Variants in LCOR observed in about 807,000 individuals in gnomAD.
LCOR encodes ligand dependent nuclear receptor corepressor, also known as ligand-dependent corepressor.
LCOR carries 14 observed loss-of-function variants against 64.4 expected under a neutral mutation model. That is an observed-to-expected ratio of 0.22 (90% CI 0.14 to 0.34). The LOEUF (loss-of-function observed/expected upper bound fraction) is 0.34. LCOR is among the 10% of genes least tolerant of loss of function. LCOR has a pLI of 1.00. For missense variants in LCOR, 1,686 were observed against 1,765.3 expected (o/e 0.96, Z 0.80); for synonymous variants, 643 against 642.5 (o/e 1.00, Z -0.01).
chr10:96,985,021 C>G lies in LCOR; in HGVS notation c.4561C>G (p.Arg1521Gly). The change falls in exon 8 of 8, where the codon CGG (arginine) becomes GGG (glycine). Residue 1521 changes from arginine to glycine, a missense_variant. By Grantham distance (125) the Arg-to-Gly change is moderately radical. Coordinates refer to ENST00000421806, the MANE Select transcript of LCOR (RefSeq NM_001346516.2). The stretch of plus-strand genomic sequence containing the variant: ...TAGGAAGCAGAGTAGTGGAAAGACT[C>G]GGGCCAGACCCTCAACGAAAACCCC... ...TNRKQSSGKT[R>G]ARPSTKTPES... 3 of 1,614,170 alleles carry G rather than the reference C, an allele frequency of 1.9e-6. No individual in the cohort carries two copies. Among genetic ancestry groups the G allele is most frequent in the Non-Finnish European group, 2.5e-6 (3 of 1,180,034 alleles).
intron 4 of LCOR, among the ~76,000 whole-genome samples, chr10:96,922,674 G>T (rs937386256): frequency 6.6e-6 from 1 of 152,100 alleles, no homozygotes; most frequent in Non-Finnish European, 1.5e-5. Flanking sequence ...TTGTCTGTGG[G>T]GGTGGTTTGC....
chr10:96,970,319 G>A (rs1324282273), intron 7 of LCOR, among the ~76,000 whole-genome samples: 2 of 151,994 alleles, frequency 1.3e-5, no homozygotes, highest in African/African-American at 4.8e-5. Flanking sequence ...AATCGCTTGA[G>A]CCCGGGAGGC....
intron 2 of LCOR, among the ~76,000 whole-genome samples, chr10:96,847,065 A>C (rs1460157496): frequency 6.6e-6 from 1 of 152,090 alleles, no homozygotes; most frequent in African/African-American, 2.4e-5. Flanking sequence ...CTGCATGGTG[A>C]AACCCCGTCT....
chr10:96,907,383 C>A, intron 3 of LCOR, 53 bp downstream of exon 3: 1 of 610,286 alleles, frequency 1.6e-6, no homozygotes, highest in Non-Finnish European at 2.1e-6. Flanking sequence ...ATACATGATA[C>A]GTTGGTGTTT....
intron 3 of LCOR, 63 bp from the exon 4 acceptor site, chr10:96,907,605 A>T: frequency 3.1e-6 from 2 of 642,024 alleles, no homozygotes; most frequent in Non-Finnish European, 3.9e-6. Flanking sequence ...TTTTGAAATT[A>T]ATTCTAATTT....
At chr10:96,923,307 C>T (rs1187173104) in intron 4 of LCOR, among the ~76,000 whole-genome samples, 3 of 152,182 alleles carry the variant, frequency 2.0e-5, no homozygotes, top group Non-Finnish European at 2.9e-5. Flanking sequence ...TGTGTTCACA[C>T]GCTTTTAATT....
chr10:96,849,961 TAAG>T (rs982788116), intron 2 of LCOR, among the ~76,000 whole-genome samples: 1 of 144,956 alleles, frequency 6.9e-6, no homozygotes, highest in Non-Finnish European at 1.5e-5. Context: ...GTAAAACAAA[TAAG>T]AAAAAGGGAA....
At chr10:96,837,033 C>T (rs889827571) in intron 2 of LCOR, among the ~76,000 whole-genome samples, 2 of 151,808 alleles carry the variant, frequency 1.3e-5, no homozygotes, top group African/African-American at 4.8e-5. Context: ...GCTCTGTCGC[C>T]TAGGCTGGAG....
Position 96,984,323 on chromosome 10 carries a change from A to T in LCOR, c.3863A>T (p.Glu1288Val). 1 of 1,614,140 alleles carries T rather than the reference A, an allele frequency of 6.2e-7. No homozygotes were observed. ...CCTAATTCTGAAGACAGCATAGAGG[A>T]AGTCAAGGAAGATAGAAACAGTCAT... ...PGPNSEDSIE[E>V]VKEDRNSHPP... The change falls in exon 8 of 8, where the codon GAA becomes GTA. Residue 1288 changes from glutamate to valine, a missense_variant. This residue lies in a region of LCOR where 1,293 missense variants were observed against 1,410.4 expected (regional missense o/e 0.92). Transcript: ENST00000421806.
chr10:96,946,789 T>C (rs112951634), intron 5 of LCOR, among the ~76,000 whole-genome samples: 15 of 152,226 alleles, frequency 9.9e-5, no homozygotes, highest in African/African-American at 3.6e-4. Context: ...TGCTCAAAGA[T>C]AGTGGTCTGT....
intron 2 of LCOR, among the ~76,000 whole-genome samples, chr10:96,899,355 C>A (rs1846595111): frequency 2.0e-5 from 3 of 151,924 alleles, no homozygotes; most frequent in Admixed American, 2.0e-4. Context: ...AAACATAACC[C>A]CTGTATCCCC....
intron 4 of LCOR, among the ~76,000 whole-genome samples, chr10:96,920,454 G>GTGTATATATA (rs1564626015): frequency 3.8e-3 from 12 of 3,196 alleles, no homozygotes; most frequent in African/African-American, 4.7e-3. Flanking sequence ...GTATATATAT[G>GTGTATATATA]TATATTCATA....
chr10:96,868,278 CTTT>C (rs528398644), intron 2 of LCOR, among the ~76,000 whole-genome samples: 1 of 136,614 alleles, frequency 7.3e-6, no homozygotes. Context: ...CTTTTCTTTT[CTTT>C]TTTTTTTTTT....
rs1209827673 is a variant in LCOR at position 96,989,580 on chromosome 10, G to A, written c.*4446G>A. The stretch of plus-strand genomic sequence containing the variant: ...AATAAAACATAGAGGCTTTTGAAGT[G>A]CTTTAATATTGATTTAAAAAATTGG... On this transcript the variant is annotated 3_prime_UTR_variant, in exon 8 of 8. Coordinates refer to ENST00000421806, the MANE Select transcript of LCOR (RefSeq NM_001346516.2). The A allele has an allele frequency of 6.8e-6, 1 of 147,836 alleles. No homozygotes were observed. The highest frequency in any genetic ancestry group is 1.5e-5 in the Non-Finnish European group (1 of 67,502). 9.2% of individuals were successfully genotyped at this position (147,836 alleles called of 1,614,324 possible). A position where few individuals can be genotyped will look rare whatever the true frequency, so the allele number is the denominator to read the frequency against.
At chr10:96,882,962 A>G (rs1340296280) in intron 2 of LCOR, among the ~76,000 whole-genome samples, 2 of 152,114 alleles carry the variant, frequency 1.3e-5, no homozygotes, top group African/African-American at 4.8e-5. Flanking sequence ...CCATTCACTT[A>G]CTACCAGGCA....
At chr10:96,940,901 A>G (rs1847447489) in intron 4 of LCOR, among the ~76,000 whole-genome samples, 2 of 148,796 alleles carry the variant, frequency 1.3e-5, no homozygotes, top group Non-Finnish European at 1.5e-5. Context: ...GCCGGGCAGA[A>G]GTGCCCCCCA....
chr10:96,905,376 C>T (rs1278680704), intron 2 of LCOR, among the ~76,000 whole-genome samples: 3 of 152,010 alleles, frequency 2.0e-5, no homozygotes, highest in African/African-American at 2.4e-5. Context: ...TAGCTATTTG[C>T]GTTGTGTATT....
chr10:96,912,530 C>T (rs1489398574), intron 4 of LCOR, among the ~76,000 whole-genome samples: 1 of 152,158 alleles, frequency 6.6e-6, no homozygotes, highest in African/African-American at 2.4e-5. Context: ...TGTCAGAAAG[C>T]ACGTGGTGAT....
chr10:96,872,265 T>C (rs930889489), intron 2 of LCOR, among the ~76,000 whole-genome samples: 1 of 152,252 alleles, frequency 6.6e-6, no homozygotes, highest in African/African-American at 2.4e-5. Context: ...TGTGGAAATT[T>C]CAAATATACC....
Sources: gnomAD v4.1 joint callset for allele counts (sites outside exome capture counted in the v4.1 genomes callset) on GRCh38, gnomAD v4.1.1 for gene constraint, gnomAD v4.1.1 regional missense constraint, MANE v1.5 for transcripts, NCBI Gene and HGNC (gene_info 2026-07-23, HGNC 2026-07-21) for gene names.